The following ATG2B variants were observed in gnomAD, a reference collection of about 807,000 sequenced individuals.
ATG2B encodes the protein autophagy-related protein 2 homolog B.
In ATG2B, 121 loss-of-function variants were observed where a neutral mutation model predicts 241.3. That is an observed-to-expected ratio of 0.50 (90% CI 0.43 to 0.58). The LOEUF (loss-of-function observed/expected upper bound fraction) is 0.58, where lower values mean the gene tolerates loss of function less well. Among genes scored for constraint, ATG2B ranks in the 20% least tolerant of loss-of-function variants. The probability of loss-of-function intolerance (pLI) is 0.00; values close to 1 mark genes in which losing one functional copy is unlikely to be tolerated. For synonymous variants in ATG2B, 858 were observed against 876.6 expected (o/e 0.98, Z 0.37); for missense variants, 2,306 against 2,491.6 (o/e 0.93, Z 1.59).
Position 96,323,979 on chromosome 14 carries a change from T to G in ATG2B, c.2457A>C (p.Lys819Asn). 3 of 1,604,556 alleles carry G rather than the reference T, an allele frequency of 1.9e-6. No individual in the cohort carries two copies. Among genetic ancestry groups the G allele is most frequent in the Non-Finnish European group, 2.5e-6 (3 of 1,176,546 alleles). The change falls in exon 16 of 42, where the codon AAA (lysine) becomes AAC (asparagine). Residue 819 changes from lysine (K) to asparagine (N), a missense_variant. Physicochemically the swap from Lys to Asn is moderately conservative, Grantham distance 94. Transcript: ENST00000359933. ...RELIGSFQEE[K>N]GDPSIKFFHV... Reference sequence around the variant, plus strand: ...GGAAAAACTTAATAGATGGATCTCCTTTCTCTTCCTGGAACGATCCTAAAA... The same window carrying G: ...GGAAAAACTTAATAGATGGATCTCCGTTCTCTTCCTGGAACGATCCTAAAA...
intron 1 of ATG2B, among the ~76,000 whole-genome samples, chr14:96,348,890 T>C (rs1367123543): frequency 6.6e-6 from 1 of 152,112 alleles, no homozygotes. Flanking sequence ...TTAATATATA[T>C]ACCTACTATG....
chr14:96,312,989 A>C, intron 25 of ATG2B, 76 bp downstream of exon 25: 1 of 919,900 alleles, frequency 1.1e-6, no homozygotes, highest in Non-Finnish European at 1.6e-6. Flanking sequence ...AGACTTTAAT[A>C]AAATGGTTTA....
In ATG2B at chr14:96,304,562, C is replaced by T. The variant is rs757772459; in HGVS notation, c.4775G>A (p.Gly1592Glu). The change falls in exon 32 of 42, where the codon GGA becomes GAA. Residue 1592 changes from glycine to glutamate, a missense_variant. Physicochemically the swap from Gly to Glu is moderately conservative, Grantham distance 98. Coordinates refer to ENST00000359933, the MANE Select transcript of ATG2B (RefSeq NM_018036.7). ...TTTTCCCCCACATACTGTATTACGT[C>T]CATGTCTCGTGGGTGTGTGAGAAGG... ...SSPSHTPTRH[G>E]RNTVCGGKGR... 2.1e-5 allele frequency: 34 copies of T among 1,612,150 alleles called. No individual in the cohort carries two copies. In the East Asian group the frequency reaches 7.6e-4, roughly 36 times the overall value.
intron 36 of ATG2B, among the ~76,000 whole-genome samples, chr14:96,293,516 A>C (rs4905480): frequency 0.35 from 52,892 of 152,062 alleles, 9,876 homozygotes; most frequent in Non-Finnish European, 0.42. Context: ...AAATGAATAA[A>C]TGTTTGGAGG....
intron 1 of ATG2B, among the ~76,000 whole-genome samples, chr14:96,358,505 C>A (rs1341582567): frequency 1.3e-5 from 2 of 152,148 alleles, no homozygotes; most frequent in Non-Finnish European, 2.9e-5. Flanking sequence ...CCAGAATTTA[C>A]ATTGCACCAC....
chr14:96,363,025 C>G lies in ATG2B; in HGVS notation c.-49G>C. ...ACTGCGGCTGCGGGTTGCGACGGCTCCGGCCTCGGGGTAGCGACTCCGGCT... is the reference window on the plus strand; with the variant it reads ...ACTGCGGCTGCGGGTTGCGACGGCTGCGGCCTCGGGGTAGCGACTCCGGCT... On this transcript the variant is annotated 5_prime_UTR_variant, in exon 1 of 42. Transcript: ENST00000359933. The G allele has an allele frequency of 6.2e-7, 1 of 1,608,132 alleles. No individual in the cohort carries two copies. The highest frequency in any genetic ancestry group is 8.5e-7 in the Non-Finnish European group (1 of 1,177,564).
Position 96,291,030 on chromosome 14 carries a change from A to T in ATG2B, c.5580-95T>A, listed in dbSNP as rs543098643. 5.3e-5 allele frequency: 57 copies of T among 1,077,130 alleles called. 1 individual carries two copies. The East Asian group carries it at 6.0e-4, about 11-fold the overall frequency. The allele number at this position is 1,077,130 out of a possible 1,614,324, so 66.7% of individuals were successfully genotyped here. A position where few individuals can be genotyped will look rare whatever the true frequency, so the allele number is the denominator to read the frequency against. ...TTTTTTTACTTAAAACAAATTCTAC[A>T]AATTATAAGGGCAAATATTACAGGT... On this transcript the variant is annotated intron_variant, in intron 38 of 41. Transcript: ENST00000359933.
At chr14:96,360,706 T>C (rs950178326) in intron 1 of ATG2B, among the ~76,000 whole-genome samples, 1 of 152,150 alleles carries the variant, frequency 6.6e-6, no homozygotes. Context: ...ATTGAAACAG[T>C]AGGAGTACAG....
intron 12 of ATG2B, 118 bp downstream of exon 12, chr14:96,329,366 A>G: frequency 1.6e-6 from 1 of 619,802 alleles, no homozygotes; most frequent in Non-Finnish European, 2.6e-6. Flanking sequence ...AAAGAAAATG[A>G]CAATATTCCT....
Position 96,290,906 on chromosome 14 carries a change from T to A in ATG2B, c.5609A>T (p.Tyr1870Phe), listed in dbSNP as rs1202353383. The A allele has an allele frequency of 6.2e-7, 1 of 1,612,122 alleles. No homozygotes were observed. Among genetic ancestry groups the A allele is most frequent in the South Asian group, 1.1e-5 (1 of 90,384 alleles). Residue 1870 changes from tyrosine to phenylalanine, a missense_variant, in exon 39 of 42, where the codon TAT becomes TTT. Physicochemically the swap from Tyr to Phe is conservative, Grantham distance 22. Coordinates refer to ENST00000359933, the MANE Select transcript of ATG2B (RefSeq NM_018036.7). This position sits in a 1 kb window ranked among gnomAD's most constrained non-coding sequence, Gnocchi z 4.4. ...GLLGVDKLFS[Y>F]AITEWLNDIK... ...GTCATTAAGCCACTCAGTGATTGCA[T>A]ATGAGAATAATTTGTCAACGCCTAG...
intron 6 of ATG2B, among the ~76,000 whole-genome samples, chr14:96,337,095 ATTTCCATACCCCTTACTGTATCTT>A (rs1887887200): frequency 6.6e-6 from 1 of 152,122 alleles, no homozygotes; most frequent in Non-Finnish European, 1.5e-5. Flanking sequence ...CCCCACAGCA[ATTTCCATACCCCTTACTGTATCTT>A]TTACCAAGGC....
At chr14:96,308,282 A>ATATATATATATATTTTTTTTTTTTTTTTT (rs1566720002) in intron 29 of ATG2B, among the ~76,000 whole-genome samples, 1 of 37,036 alleles carries the variant, frequency 2.7e-5, no homozygotes. Flanking sequence ...ATATATATAT[A>ATATATATATATATTTTTTTTTTTTTTTTT]TTTTTTTTTT....
chr14:96,314,282 G>A (rs1470600492), intron 23 of ATG2B, among the ~76,000 whole-genome samples: 1 of 152,206 alleles, frequency 6.6e-6, no homozygotes, highest in Non-Finnish European at 1.5e-5. Flanking sequence ...AACATGAGAA[G>A]CAATCATAGT....
Position 96,347,296 on chromosome 14 carries a change from T to C in ATG2B, c.208A>G (p.Thr70Ala). 1 of 1,610,736 alleles carries C rather than the reference T, an allele frequency of 6.2e-7. No homozygotes were observed. Among genetic ancestry groups the C allele is most frequent in the Admixed American group, 1.7e-5 (1 of 59,994 alleles). ...LESADAPLEVTEGFIQSISLS... is the reference protein window; with the variant it reads ...LESADAPLEVAEGFIQSISLS... ...GAAATTGACTGAATGAATCCTTCAG[T>C]GACTTCTAAGGGTGCATCTGCTGAC... is the stretch of plus-strand genomic sequence containing the variant. The change falls in exon 2 of 42, where the codon ACT (threonine) becomes GCT (alanine). Residue 70 changes from threonine to alanine, a missense_variant. Physicochemically the swap from Thr to Ala is moderately conservative, Grantham distance 58 (BLOSUM62 0). Transcript: ENST00000359933.
chr14:96,335,849 T>A (rs1887856028), intron 6 of ATG2B, among the ~76,000 whole-genome samples: 1 of 152,228 alleles, frequency 6.6e-6, no homozygotes, highest in African/African-American at 2.4e-5. Flanking sequence ...GAATGGCCAA[T>A]CAAGAGTTTC....
At chr14:96,351,818 C>T (rs990258068) in intron 1 of ATG2B, among the ~76,000 whole-genome samples, 1 of 149,800 alleles carries the variant, frequency 6.7e-6, no homozygotes, top group African/African-American at 2.5e-5. Flanking sequence ...GGGATAATCG[C>T]TTGATCCCAG....
At position 96,289,721 on chromosome 14, in the gene ATG2B, G is replaced by T; in HGVS notation, c.5941C>A (p.Arg1981=). ...AGGTCTACTGGCTGGTGGGCTAACC[G>T]GTGATGAGGAAACCTTTTGGTCTTC... ...PKKTKRFPHH[R]LAHQPVDLRE... is the part of the protein sequence containing the mutation. Residue 1981 remains arginine, a synonymous_variant, in exon 41 of 42, where the codon CGG becomes AGG. Transcript: ENST00000359933. The surrounding 1 kb of genome is among the most constrained non-coding windows in gnomAD (Gnocchi z 4.3). The T allele has an allele frequency of 1.9e-6, 3 of 1,614,176 alleles. No homozygotes were observed. Among genetic ancestry groups the T allele is most frequent in the South Asian group, 1.1e-5 (1 of 91,080 alleles).
At chr14:96,291,980 A>C in intron 37 of ATG2B, 49 bp downstream of exon 37, 202 of 1,266,678 alleles carry the variant, frequency 1.6e-4, no homozygotes, top group Non-Finnish European at 2.1e-4. Flanking sequence ...CGAGCTCATT[A>C]GAGAAACATA....
intron 15 of ATG2B, among the ~76,000 whole-genome samples, chr14:96,325,022 TC>T (rs1166670506): frequency 1.3e-5 from 2 of 152,102 alleles, no homozygotes; most frequent in African/African-American, 4.8e-5. Flanking sequence ...TTTTATAAAT[TC>T]CCTTCATTAA....
Sources: allele counts gnomAD v4.1 joint callset (sites outside exome capture counted in the v4.1 genomes callset), GRCh38; gene constraint gnomAD v4.1.1; non-coding constraint Gnocchi (gnomAD v3.1); transcripts MANE v1.5; gene names NCBI Gene and HGNC (gene_info 2026-07-23, HGNC 2026-07-21).